Variants in TBC1D5 observed in about 807,000 individuals in gnomAD.
The protein encoded by TBC1D5 is TBC1 domain family, member 5.
A neutral mutation model predicts 100.3 loss-of-function variants in TBC1D5; 75 were observed. The ratio of observed to expected loss-of-function variants is 0.75; its 90% CI spans 0.62 to 0.91. The LOEUF (loss-of-function observed/expected upper bound fraction) is 0.91, where lower values mean the gene tolerates loss of function less well. Among genes scored for constraint, TBC1D5 ranks in the 40% least tolerant of loss-of-function variants. The pLI is 0.00. For synonymous variants in TBC1D5, 323 were observed against 325.6 expected, an observed-to-expected ratio of 0.99 and a Z score of 0.09; for missense variants, 910 against 942.4, an observed-to-expected ratio of 0.97 and a Z score of 0.45.
chr3:17,670,924 G>A (rs1044427393), intron 1 of TBC1D5, among the ~76,000 whole-genome samples: 1 of 152,094 alleles, frequency 6.6e-6, no homozygotes, highest in African/African-American at 2.4e-5. Context: ...ATCAAGGGAG[G>A]GTGTGCAGAT....
chr3:17,605,593 T>C (rs765905228), intron 2 of TBC1D5, among the ~76,000 whole-genome samples: 19 of 152,170 alleles, frequency 1.2e-4, no homozygotes, highest in Non-Finnish European at 2.4e-4. Flanking sequence ...AAGGATAGTC[T>C]TTTTTAGTAA....
chr3:17,552,393 T>G (rs2096482135), intron 2 of TBC1D5, among the ~76,000 whole-genome samples: 1 of 152,128 alleles, frequency 6.6e-6, no homozygotes, highest in African/African-American at 2.4e-5. Flanking sequence ...ATAAATCATC[T>G]TCCTAAATCA....
chr3:17,446,698 G>A (rs560758662), intron 3 of TBC1D5, among the ~76,000 whole-genome samples: 13 of 152,212 alleles, frequency 8.5e-5, no homozygotes, highest in Admixed American at 2.6e-4. Flanking sequence ...TGGGCCGGGC[G>A]CGGTGGCTCG....
At chr3:17,391,379 C>T (rs547562139) in intron 8 of TBC1D5, among the ~76,000 whole-genome samples, 49 of 152,012 alleles carry the variant, frequency 3.2e-4, no homozygotes, top group African/African-American at 8.0e-4. Flanking sequence ...CCAGTAACCA[C>T]GTGACTGCAA....
At chr3:17,655,207 C>T (rs1328167256) in intron 1 of TBC1D5, among the ~76,000 whole-genome samples, 6 of 147,782 alleles carry the variant, frequency 4.1e-5, no homozygotes, top group Non-Finnish European at 8.9e-5. Context: ...CTCACAAGAA[C>T]AAAAAACCAA....
At chr3:17,616,423 G>A (rs1283413651) in intron 2 of TBC1D5, among the ~76,000 whole-genome samples, 2 of 151,902 alleles carry the variant, frequency 1.3e-5, no homozygotes, top group African/African-American at 4.8e-5. Context: ...GCAGAGCTGA[G>A]TTCTAGTCCT....
chr3:17,674,152 G>T (rs6577617), intron 1 of TBC1D5, among the ~76,000 whole-genome samples: 86,391 of 151,434 alleles, frequency 0.57, 25,411 homozygotes, highest in East Asian at 0.99. Context: ...AATTGAAACC[G>T]TAAAGAAATT....
chr3:17,440,805 C>G (rs767955688), intron 3 of TBC1D5, among the ~76,000 whole-genome samples: 2 of 152,030 alleles, frequency 1.3e-5, no homozygotes, highest in Non-Finnish European at 2.9e-5. Context: ...CCATGCCCAG[C>G]AAATTTTTAT....
intron 13 of TBC1D5, among the ~76,000 whole-genome samples, chr3:17,347,484 C>T (rs2090044473): frequency 1.3e-5 from 2 of 151,726 alleles, no homozygotes; most frequent in Admixed American, 1.3e-4. Flanking sequence ...TTCTCAGGTA[C>T]AAATTAAATT....
chr3:17,566,655 G>C (rs1460283232), intron 2 of TBC1D5, among the ~76,000 whole-genome samples: 5 of 151,710 alleles, frequency 3.3e-5, no homozygotes, highest in Admixed American at 3.3e-4. Flanking sequence ...AAAATTTTAA[G>C]CCCTCCTTTT....
chr3:17,505,359 T>G (rs2095834147), intron 3 of TBC1D5, among the ~76,000 whole-genome samples: 1 of 152,190 alleles, frequency 6.6e-6, no homozygotes, highest in East Asian at 1.9e-4. Context: ...CTCCTCCCCC[T>G]TTGCCTTTTG....
intron 2 of TBC1D5, among the ~76,000 whole-genome samples, chr3:17,594,822 G>T (rs1431022584): frequency 6.6e-6 from 1 of 152,060 alleles, no homozygotes; most frequent in African/African-American, 2.4e-5. Flanking sequence ...GATGCGAATG[G>T]GTTCCAATTG....
chr3:17,268,637 TGTGA>T (rs146957541), intron 15 of TBC1D5, among the ~76,000 whole-genome samples: 3,858 of 152,208 alleles, frequency 0.025, 138 homozygotes, highest in African/African-American at 0.084. Context: ...AGGAAAACTC[TGTGA>T]GTGTTATTAG....
In TBC1D5 at chr3:17,185,227, C is replaced by A. The variant is rs762088528; in HGVS notation, c.1753-19G>T. ...CTTCTTCCTAAAATAAAGGGATAAA[C>A]ATATGGAAATTTTTTAGAGATTGTC... On this transcript the variant is annotated intron_variant, in intron 18 of 21. Transcript: ENST00000253692. 8.4e-5 allele frequency: 134 copies of A among 1,601,128 alleles called. No individual in the cohort carries two copies. The highest frequency in any genetic ancestry group is 1.1e-4 in the Non-Finnish European group (131 of 1,170,604).
chr3:17,256,928 G>A (rs1468226306), intron 16 of TBC1D5, among the ~76,000 whole-genome samples: 2 of 152,150 alleles, frequency 1.3e-5, no homozygotes, highest in Admixed American at 1.3e-4. Flanking sequence ...TGCTCTAGCA[G>A]GAGGGAGGAG....
chr3:17,606,553 T>G (rs1002318864), intron 2 of TBC1D5, among the ~76,000 whole-genome samples: 14 of 152,174 alleles, frequency 9.2e-5, no homozygotes, highest in African/African-American at 2.9e-4. Context: ...AAAGTAATAA[T>G]GATACTGGTG....
chr3:17,471,670 C>CAAAAAAAAAA, intron 3 of TBC1D5, among the ~76,000 whole-genome samples: 1 of 22,310 alleles, frequency 4.5e-5, no homozygotes, highest in South Asian at 1.3e-3. Context: ...GACTCCGTCT[C>CAAAAAAAAAA]AAAAAAAAAA....
chr3:17,167,009 G>C, intron 20 of TBC1D5, 81 bp from the exon 22 acceptor site: 1 of 1,281,680 alleles, frequency 7.8e-7, no homozygotes, highest in Non-Finnish European at 1.0e-6. Flanking sequence ...TCAGACATTT[G>C]AACTAGCCTT....
rs76086409 is a variant in TBC1D5 at position 17,508,186 on chromosome 3, G to A, written c.97+288C>T. On this transcript the variant is annotated intron_variant, in intron 3 of 21. Coordinates refer to ENST00000253692, the Ensembl canonical transcript of TBC1D5. The stretch of plus-strand genomic sequence containing the variant: ...AAAGATGTTCGACCAAGGCCCTTTC[G>A]CATTTCAACATTCTTATGCTGAAGT... Among the ~76,000 whole-genome samples, 205 of 152,188 alleles carry A rather than the reference G, an allele frequency of 1.3e-3. 1 individual carries two copies. Among genetic ancestry groups the A allele is most frequent in the Middle Eastern group, 3.4e-3 (1 of 294 alleles).
Sources: gnomAD v4.1 joint callset for allele counts (sites outside exome capture counted in the v4.1 genomes callset) on GRCh38, gnomAD v4.1.1 for gene constraint, MANE v1.5 for transcripts, NCBI Gene and HGNC (gene_info 2026-07-23, HGNC 2026-07-21) for gene names.